Variants in CSGALNACT1 observed in about 807,000 individuals in gnomAD.
CSGALNACT1 encodes the protein chondroitin sulfate N-acetylgalactosaminyltransferase 1.
A neutral mutation model predicts 51.0 loss-of-function variants in CSGALNACT1; 52 were observed. The observed-to-expected ratio is 1.02, with a 90% CI of 0.82 to 1.29. CSGALNACT1 has a LOEUF of 1.29. Among genes scored for constraint, CSGALNACT1 ranks in the 50% most tolerant of loss-of-function variants. The pLI is 0.00. For synonymous variants in CSGALNACT1, 341 were observed against 254.4 expected (o/e 1.34, Z -3.24); for missense variants, 935 against 679.2 (o/e 1.38, Z -4.19).
chr8:19,580,739 C>T (rs2045384684), intron 3 of CSGALNACT1, among the ~76,000 whole-genome samples: 1 of 152,098 alleles, frequency 6.6e-6, no homozygotes, highest in South Asian at 2.1e-4. Flanking sequence ...ATATTTTATT[C>T]ATCAAAATAG....
chr8:19,654,507 G>A (rs2058091716), intron 1 of CSGALNACT1, among the ~76,000 whole-genome samples: 1 of 152,172 alleles, frequency 6.6e-6, no homozygotes, highest in African/African-American at 2.4e-5. Context: ...GTTTCCCCAT[G>A]TTTAAAATGA....
chr8:19,585,863 C>T (rs962406266), intron 3 of CSGALNACT1, among the ~76,000 whole-genome samples: 1 of 152,204 alleles, frequency 6.6e-6, no homozygotes, highest in Non-Finnish European at 1.5e-5. Context: ...GAAACCCCTT[C>T]AACAGTGCTG....
chr8:19,658,030 G>GACTGAATA (rs1376226772), intron 1 of CSGALNACT1, among the ~76,000 whole-genome samples: 10 of 124,296 alleles, frequency 8.0e-5, no homozygotes, highest in African/African-American at 3.2e-4. Context: ...AATTACTCTA[G>GACTGAATA]ACTGAATATG....
At chr8:19,424,302 G>A (rs1043912705) in intron 6 of CSGALNACT1, among the ~76,000 whole-genome samples, 1 of 152,094 alleles carries the variant, frequency 6.6e-6, no homozygotes. Flanking sequence ...TGGCTGCCAG[G>A]TCATTATGCT....
intron 5 of CSGALNACT1, among the ~76,000 whole-genome samples, chr8:19,453,805 G>A (rs1036554589): frequency 3.9e-5 from 6 of 152,002 alleles, no homozygotes; most frequent in Admixed American, 1.3e-4. Flanking sequence ...CCAGCTACTC[G>A]GGAGGCTGAG....
intron 6 of CSGALNACT1, among the ~76,000 whole-genome samples, chr8:19,422,723 C>T (rs549998129): frequency 4.6e-5 from 7 of 152,210 alleles, no homozygotes; most frequent in Admixed American, 2.6e-4. Context: ...GAGGTCACTG[C>T]GAGCACCTTC....
intron 1 of CSGALNACT1, among the ~76,000 whole-genome samples, chr8:19,681,501 G>A (rs1293155688): frequency 6.6e-6 from 1 of 152,196 alleles, no homozygotes; most frequent in African/African-American, 2.4e-5. Flanking sequence ...TGGGAGGAGA[G>A]AGGTCAGAGC....
intron 1 of CSGALNACT1, among the ~76,000 whole-genome samples, chr8:19,630,502 T>A (rs190996666): frequency 6.6e-6 from 1 of 152,246 alleles, no homozygotes; most frequent in African/African-American, 2.4e-5. Context: ...TTATTAACTT[T>A]ACATTAGGAT....
intron 3 of CSGALNACT1, among the ~76,000 whole-genome samples, chr8:19,553,642 A>AT (rs1187875232): frequency 1.1e-4 from 12 of 106,794 alleles, no homozygotes; most frequent in African/African-American, 4.2e-4. Flanking sequence ...TATATATAAA[A>AT]AAATATGTCA....
At chr8:19,613,412 G>A (rs925213832) in intron 1 of CSGALNACT1, among the ~76,000 whole-genome samples, 4 of 152,120 alleles carry the variant, frequency 2.6e-5, no homozygotes, top group African/African-American at 9.7e-5. Flanking sequence ...TCATCGCACA[G>A]ACCGGTTTTC....
At chr8:19,624,601 G>C (rs888313959) in intron 1 of CSGALNACT1, among the ~76,000 whole-genome samples, 1 of 151,556 alleles carries the variant, frequency 6.6e-6, no homozygotes, top group Non-Finnish European at 1.5e-5. Context: ...TGTTAATGGA[G>C]TTTGGAGTCT....
At chr8:19,441,173 C>A (rs928873064) in intron 5 of CSGALNACT1, among the ~76,000 whole-genome samples, 2 of 152,142 alleles carry the variant, frequency 1.3e-5, no homozygotes, top group African/African-American at 4.8e-5. Context: ...AATGCCATCC[C>A]CATCAAGCTA....
intron 4 of CSGALNACT1, among the ~76,000 whole-genome samples, chr8:19,497,787 G>A (rs549193795): frequency 5.4e-4 from 82 of 152,272 alleles, no homozygotes; most frequent in Admixed American, 9.8e-4. Flanking sequence ...CCTCCCTAAT[G>A]TATTCAAAGT....
At chr8:19,688,752 C>G (rs181261969) in intron 1 of CSGALNACT1, 10 of 152,296 alleles carry the variant, frequency 6.6e-5, no homozygotes, top group African/African-American at 1.9e-4. Flanking sequence ...TCGTCTACAC[C>G]TGCTGCTTCC....
At chr8:19,423,429 A>G (rs1054428159) in intron 6 of CSGALNACT1, among the ~76,000 whole-genome samples, 2 of 152,158 alleles carry the variant, frequency 1.3e-5, no homozygotes, top group African/African-American at 4.8e-5. Context: ...AAGAGTGGTA[A>G]TTTGGTGGTG....
At chr8:19,499,835 A>C (rs7830404) in intron 4 of CSGALNACT1, among the ~76,000 whole-genome samples, 1 of 151,952 alleles carries the variant, frequency 6.6e-6, no homozygotes, top group East Asian at 1.9e-4. Context: ...ATGAACATTA[A>C]TTCTAGCATG....
chr8:19,463,422 C>G (rs1452567890), intron 4 of CSGALNACT1, among the ~76,000 whole-genome samples: 2 of 152,186 alleles, frequency 1.3e-5, no homozygotes, highest in East Asian at 3.9e-4. Context: ...TCTTTAAACA[C>G]AAAGGACGAC....
chr8:19,638,087 T>A (rs13259875), intron 1 of CSGALNACT1, among the ~76,000 whole-genome samples: 42,658 of 151,844 alleles, frequency 0.28, 6,484 homozygotes, highest in African/African-American at 0.38. Context: ...ACCTAAACTG[T>A]TAGTCTCTTG....
At chr8:19,527,956 A>G (rs1030024112) in intron 3 of CSGALNACT1, among the ~76,000 whole-genome samples, 1 of 152,152 alleles carries the variant, frequency 6.6e-6, no homozygotes, top group South Asian at 2.1e-4. Context: ...AGATAAACTC[A>G]GGGAGAAAAT....
Sources: allele counts gnomAD v4.1 joint callset (sites outside exome capture counted in the v4.1 genomes callset), GRCh38; gene constraint gnomAD v4.1.1; transcripts MANE v1.5; gene names NCBI Gene and HGNC (gene_info 2026-07-23, HGNC 2026-07-21).